The following NUDT3 variants were observed in gnomAD, a reference collection of about 807,000 sequenced individuals.
NUDT3 encodes the protein diphosphoinositol polyphosphate phosphohydrolase 1.
A neutral mutation model predicts 23.6 loss-of-function variants in NUDT3; 9 were observed. That is an observed-to-expected ratio of 0.38 (90% CI 0.23 to 0.66). The LOEUF is 0.66. Among genes scored for constraint, NUDT3 ranks in the 30% least tolerant of loss-of-function variants. The pLI is 0.52. For missense variants in NUDT3, 172 were observed against 218.5 expected (o/e 0.79, Z 1.34); for synonymous variants, 86 against 82.6 (o/e 1.04, Z -0.22).
chr6:34,361,035 C>A (rs1192016248), intron 1 of NUDT3, among the ~76,000 whole-genome samples: 1 of 152,048 alleles, frequency 6.6e-6, no homozygotes, highest in African/African-American at 2.4e-5. Flanking sequence ...TCACTCTGGG[C>A]AACATAGCAA....
Position 34,331,523 on chromosome 6 carries a change from G to T in NUDT3, c.210+10339C>A, listed in dbSNP as rs928999037. Among the ~76,000 whole-genome samples the T allele has an allele frequency of 4.6e-5, 7 of 152,160 alleles. No individual in the cohort carries two copies. The South Asian group carries it at 1.2e-3, about 27-fold the overall frequency. ...AACCTGAAGATGGACTGTTTCTATG[G>T]CAAAGCAACAGGTGGCATGAGCCAG... On this transcript the variant is annotated intron_variant, in intron 2 of 4. Coordinates refer to ENST00000607016, the MANE Select transcript of NUDT3 (RefSeq NM_006703.4).
intron 1 of NUDT3, among the ~76,000 whole-genome samples, chr6:34,382,484 ATATTT>A (rs1765037054): frequency 6.6e-6 from 1 of 152,138 alleles, no homozygotes; most frequent in African/African-American, 2.4e-5. Flanking sequence ...TTCTTAATGT[ATATTT>A]TATTAGGATT....
chr6:34,306,379 T>G (rs978007455), intron 2 of NUDT3, among the ~76,000 whole-genome samples: 24 of 152,204 alleles, frequency 1.6e-4, no homozygotes, highest in Admixed American at 3.9e-4. Flanking sequence ...ATAAGTTACA[T>G]TTGTCTAAAT....
In NUDT3 at chr6:34,287,771, T is replaced by C. The variant is rs1387094136; in HGVS notation, c.*982A>G. Reference sequence around the variant, plus strand: ...GGCCATTGTTGGCAATAAATAGCATTACGGAAAAGATTCCAAACCAGCAGA... The same window carrying C: ...GGCCATTGTTGGCAATAAATAGCATCACGGAAAAGATTCCAAACCAGCAGA... On this transcript the variant is annotated 3_prime_UTR_variant, in exon 5 of 5. Coordinates refer to ENST00000607016, the MANE Select transcript of NUDT3 (RefSeq NM_006703.4). 1 of 152,158 alleles carries C rather than the reference T, an allele frequency of 6.6e-6. No individual in the cohort carries two copies. Among genetic ancestry groups the C allele is most frequent in the Non-Finnish European group, 1.5e-5 (1 of 68,036 alleles). 9.4% of individuals were successfully genotyped at this position (152,158 alleles called of 1,614,324 possible). A position where few individuals can be genotyped will look rare whatever the true frequency, so the allele number is the denominator to read the frequency against.
intron 1 of NUDT3, among the ~76,000 whole-genome samples, chr6:34,349,109 T>C (rs1171759702): frequency 6.6e-6 from 1 of 152,182 alleles, no homozygotes; most frequent in Non-Finnish European, 1.5e-5. Flanking sequence ...CCATGTTGTC[T>C]AGACTGGTCT....
chr6:34,324,136 C>T (rs1328498219), intron 2 of NUDT3, among the ~76,000 whole-genome samples: 1 of 152,122 alleles, frequency 6.6e-6, no homozygotes, highest in Non-Finnish European at 1.5e-5. Context: ...GCACAGATCA[C>T]CTGAGGTCAG....
At chr6:34,381,096 A>G (rs1765009334) in intron 1 of NUDT3, among the ~76,000 whole-genome samples, 1 of 152,188 alleles carries the variant, frequency 6.6e-6, no homozygotes, top group African/African-American at 2.4e-5. Context: ...GACTTACTGC[A>G]GCCTTGACCT....
At chr6:34,357,908 C>T (rs770881326) in intron 1 of NUDT3, among the ~76,000 whole-genome samples, 3 of 152,114 alleles carry the variant, frequency 2.0e-5, no homozygotes, top group Non-Finnish European at 2.9e-5. Context: ...CCCAGGTTTT[C>T]TTCTAGTAAT....
Position 34,295,657 on chromosome 6 carries a change from A to G in NUDT3, c.239T>C (p.Leu80Ser), listed in dbSNP as rs751070257. Residue 80 changes from leucine (L) to serine (S), a missense_variant, in exon 3 of 5, where the codon TTA becomes TCA. Physicochemically the swap from Leu to Ser is moderately radical, Grantham distance 145 (BLOSUM62 -2). Coordinates refer to ENST00000607016, the MANE Select transcript of NUDT3 (RefSeq NM_006703.4). ...EAGVKGTLGR[L>S]VGIFENQERK... ...CAGACTTACCTCAAAAATTCCAACT[A>G]ATCTTCCCAATGTCCCTTTTACTCC... 1 of 1,614,070 alleles carries G rather than the reference A, an allele frequency of 6.2e-7. No homozygotes were observed. The highest frequency in any genetic ancestry group is 8.5e-7 in the Non-Finnish European group (1 of 1,179,956).
chr6:34,316,887 T>C (rs1217714568), intron 2 of NUDT3, among the ~76,000 whole-genome samples: 1 of 152,182 alleles, frequency 6.6e-6, no homozygotes, highest in Non-Finnish European at 1.5e-5. Context: ...GGTTTCTTTT[T>C]ACAGGATAAT....
chr6:34,335,789 C>T (rs893016936), intron 2 of NUDT3, among the ~76,000 whole-genome samples: 5 of 149,346 alleles, frequency 3.3e-5, no homozygotes, highest in East Asian at 2.0e-4. Flanking sequence ...GGTCTTGCTA[C>T]GTTGCCCTGG....
rs535272090 is a variant in NUDT3 at position 34,325,023 on chromosome 6, C to T, written c.210+16839G>A. ...TGTCTATGCCAAGGCTTGCCTTCAT[C>T]CCCGAACTGTAACTGAGAAGGAAGG... On this transcript the variant is annotated intron_variant, in intron 2 of 4. Transcript: ENST00000607016. Among the ~76,000 whole-genome samples, 58 of 152,268 alleles carry T rather than the reference C, an allele frequency of 3.8e-4. No individual in the cohort carries two copies. The South Asian group carries it at 1.0e-2, about 26-fold the overall frequency.
At chr6:34,352,381 G>A (rs1764491866) in intron 1 of NUDT3, among the ~76,000 whole-genome samples, 1 of 152,096 alleles carries the variant, frequency 6.6e-6, no homozygotes, top group African/African-American at 2.4e-5. Flanking sequence ...CGTTCCACAG[G>A]CTGGTCTCAA....
intron 1 of NUDT3, among the ~76,000 whole-genome samples, chr6:34,388,336 C>T (rs1321643986): frequency 6.6e-6 from 1 of 152,128 alleles, no homozygotes; most frequent in Non-Finnish European, 1.5e-5. Flanking sequence ...CTTGACATTG[C>T]TTAAATTTAT....
rs140898990 is a variant in NUDT3 at position 34,295,302 on chromosome 6, C to T, written c.255+339G>A. On this transcript the variant is annotated intron_variant, in intron 3 of 4. Transcript: ENST00000607016. ...TTTTGGGAGGCTGAGGCAGGAGGAT[C>T]GCTTAAACGCAGGAGTTTGAGACCA... 7.5e-3 allele frequency among the ~76,000 whole-genome samples: 1,140 copies of T among 151,758 alleles called. 13 individuals are homozygous for T. The highest frequency in any genetic ancestry group is 0.024 in the Middle Eastern group (7 of 294).
intron 1 of NUDT3, among the ~76,000 whole-genome samples, chr6:34,342,766 C>T (rs1446022349): frequency 6.6e-6 from 1 of 152,194 alleles, no homozygotes; most frequent in African/African-American, 2.4e-5. Flanking sequence ...TTCAACTGCT[C>T]CCTAAACCAT....
At chr6:34,348,069 C>T (rs778251089) in intron 1 of NUDT3, among the ~76,000 whole-genome samples, 7 of 151,694 alleles carry the variant, frequency 4.6e-5, no homozygotes, top group Non-Finnish European at 8.8e-5. Flanking sequence ...GAGGCTGAGG[C>T]GGGCAGATCA....
intron 2 of NUDT3, among the ~76,000 whole-genome samples, chr6:34,297,727 AAAAAT>A (rs1470783090): frequency 2.0e-3 from 84 of 41,474 alleles, no homozygotes; most frequent in African/African-American, 0.013. Context: ...GTAAAAAAAA[AAAAAT>A]ATATATATAT....
chr6:34,352,923 T>C (rs1764499348), intron 1 of NUDT3, among the ~76,000 whole-genome samples: 1 of 152,248 alleles, frequency 6.6e-6, no homozygotes, highest in African/African-American at 2.4e-5. Context: ...ATTAATATTC[T>C]GTTGTTCTAA....
Sources: allele counts gnomAD v4.1 joint callset (sites outside exome capture counted in the v4.1 genomes callset), GRCh38; gene constraint gnomAD v4.1.1; transcripts MANE v1.5; gene names NCBI Gene and HGNC (gene_info 2026-07-23, HGNC 2026-07-21).